Variants in UBE2W observed in about 807,000 individuals in gnomAD.
The protein encoded by UBE2W is ubiquitin-conjugating enzyme E2 W.
A neutral mutation model predicts 27.2 loss-of-function variants in UBE2W; 18 were observed. That is an observed-to-expected ratio of 0.66 (90% CI 0.46 to 0.98). The LOEUF is 0.98. Ranked by LOEUF, UBE2W falls within the 50% of genes least tolerant of loss-of-function variation. The pLI is 0.00. For synonymous variants in UBE2W, 53 were observed against 57.2 expected, an observed-to-expected ratio of 0.93 and a Z score of 0.33; for missense variants, 90 against 180.2, an observed-to-expected ratio of 0.50 and a Z score of 2.87.
At chr8:73,803,403 A>T (rs28683577) in intron 5 of UBE2W, among the ~76,000 whole-genome samples, 1 of 152,072 alleles carries the variant, frequency 6.6e-6, no homozygotes, top group East Asian at 1.9e-4. Flanking sequence ...ACTGGGCCTA[A>T]ATAAGAGGAA....
Position 73,787,701 on chromosome 8 carries a change from G to C in UBE2W, c.*6401C>G, listed in dbSNP as rs1265285936. On this transcript the variant is annotated 3_prime_UTR_variant, in exon 6 of 6. Coordinates refer to ENST00000602593, the MANE Select transcript of UBE2W (RefSeq NM_018299.6). Reference sequence around the variant, plus strand: ...TGGTTATTTCTTTCCTCTTCTTGCAGCTTCAAGAGTCACTCATTTAAGTCA... The same window carrying C: ...TGGTTATTTCTTTCCTCTTCTTGCACCTTCAAGAGTCACTCATTTAAGTCA... 3 of 985,310 alleles carry C rather than the reference G, an allele frequency of 3.0e-6. No homozygotes were observed. The African/African-American group carries it at 5.2e-5, about 17-fold the overall frequency. The allele number at this position is 985,310 out of a possible 1,614,324, so 61.0% of individuals were successfully genotyped here. A position where few individuals can be genotyped will look rare whatever the true frequency, so the allele number is the denominator to read the frequency against.
chr8:73,826,253 A>C, intron 2 of UBE2W, among the ~76,000 whole-genome samples: 1 of 152,198 alleles, frequency 6.6e-6, no homozygotes. Flanking sequence ...TTTATATACT[A>C]TTCTTGTTAT....
At chr8:73,795,819 C>A in intron 5 of UBE2W, 1 of 982,064 alleles carries the variant, frequency 1.0e-6, no homozygotes, top group Non-Finnish European at 1.2e-6. Context: ...AAGTGGCTCA[C>A]GCCTGTAATT....
At position 73,824,819 on chromosome 8, in the gene UBE2W, C is replaced by T. The variant is rs960956014; in HGVS notation, c.210+328G>A. ...AATGCTGCTCACCTCCTGTGTGGCC[C>T]GACTCCTAACAGGCCATGGACCAGT... On this transcript the variant is annotated intron_variant, in intron 3 of 5. Coordinates refer to ENST00000602593, the MANE Select transcript of UBE2W (RefSeq NM_018299.6). Among the ~76,000 whole-genome samples, 22 of 152,264 alleles carry T rather than the reference C, an allele frequency of 1.4e-4. 1 individual carries two copies. The highest frequency in any genetic ancestry group is 2.6e-4 in the African/African-American group (11 of 41,546).
At chr8:73,806,016 A>G (rs953218928) in intron 4 of UBE2W, among the ~76,000 whole-genome samples, 3 of 152,078 alleles carry the variant, frequency 2.0e-5, no homozygotes, top group Non-Finnish European at 2.9e-5. Flanking sequence ...TTAGCTGGGC[A>G]TGGTGGTGCG....
intron 1 of UBE2W, among the ~76,000 whole-genome samples, chr8:73,859,946 A>G (rs181043551): frequency 2.2e-3 from 329 of 152,342 alleles, no homozygotes; most frequent in Admixed American, 5.6e-3. Context: ...CACCTTAAAA[A>G]TAAAACATTT....
intron 3 of UBE2W, among the ~76,000 whole-genome samples, chr8:73,824,718 A>G (rs2130898431): frequency 6.6e-6 from 1 of 152,318 alleles, no homozygotes; most frequent in African/African-American, 2.4e-5. Flanking sequence ...TCACATGTGC[A>G]GTTCACAATA....
At chr8:73,822,445 G>A (rs1809653990) in intron 3 of UBE2W, among the ~76,000 whole-genome samples, 1 of 151,840 alleles carries the variant, frequency 6.6e-6, no homozygotes, top group Non-Finnish European at 1.5e-5. Flanking sequence ...AAAACAGGAG[G>A]TAAAGAAATA....
At chr8:73,850,655 T>A (rs1252735960) in intron 1 of UBE2W, among the ~76,000 whole-genome samples, 1 of 134,964 alleles carries the variant, frequency 7.4e-6, no homozygotes. Flanking sequence ...AAATAAAGGA[T>A]TACAAACATA....
chr8:73,856,916 AG>A (rs1255675990), intron 1 of UBE2W, among the ~76,000 whole-genome samples: 1 of 151,448 alleles, frequency 6.6e-6, no homozygotes, highest in East Asian at 2.0e-4. Flanking sequence ...TATGTTGGCC[AG>A]ACTGGTCTCA....
intron 3 of UBE2W, among the ~76,000 whole-genome samples, chr8:73,818,581 ATC>A (rs1310386171): frequency 6.6e-6 from 1 of 152,136 alleles, no homozygotes; most frequent in Non-Finnish European, 1.5e-5. Context: ...AGCCCAAATG[ATC>A]TCTCTGACTA....
At chr8:73,783,415 G>A (rs956691621), downstream of UBE2W, among the ~76,000 whole-genome samples, 4 of 152,038 alleles carry the variant, frequency 2.6e-5, no homozygotes, top group Non-Finnish European at 4.4e-5. Context: ...TTTTGCATAC[G>A]GCTTTCCAAA....
At chr8:73,874,753 A>G (rs547645179) in intron 1 of UBE2W, among the ~76,000 whole-genome samples, 1 of 152,374 alleles carries the variant, frequency 6.6e-6, no homozygotes, top group East Asian at 1.9e-4. Flanking sequence ...CACCACAAAT[A>G]TAACATTCTC....
intron 1 of UBE2W, among the ~76,000 whole-genome samples, chr8:73,852,927 G>GT (rs1463120925): frequency 2.6e-5 from 4 of 152,266 alleles, no homozygotes; most frequent in African/African-American, 9.6e-5. Context: ...CTTTAAGACT[G>GT]TAAGTTAGGT....
At chr8:73,826,120 T>C (rs1809823797) in intron 2 of UBE2W, among the ~76,000 whole-genome samples, 1 of 152,226 alleles carries the variant, frequency 6.6e-6, no homozygotes, top group African/African-American at 2.4e-5. Flanking sequence ...AGCAAGGCTT[T>C]GTGGTGACTT....
At position 73,793,837 on chromosome 8, in the gene UBE2W, T is replaced by A; in HGVS notation, c.*265A>T. 4.2e-6 allele frequency: 5 copies of A among 1,189,568 alleles called. No homozygotes were observed. Among genetic ancestry groups the A allele is most frequent in the Non-Finnish European group, 5.2e-6 (5 of 956,846 alleles). The allele number at this position is 1,189,568 out of a possible 1,614,324, so 73.7% of individuals were successfully genotyped here. ...GAGCTTTTCCAAAAGCTTAAAAAAA[T>A]AAAAATAAAAAATGGAATTATATTT... On this transcript the variant is annotated 3_prime_UTR_variant, in exon 6 of 6. Coordinates refer to ENST00000602593, the MANE Select transcript of UBE2W (RefSeq NM_018299.6).
intron 3 of UBE2W, among the ~76,000 whole-genome samples, chr8:73,812,949 G>A (rs935120501): frequency 4.7e-5 from 7 of 150,488 alleles, no homozygotes; most frequent in African/African-American, 1.7e-4. Flanking sequence ...AGGTTGCAGT[G>A]AGCTGAGATC....
At chr8:73,828,166 G>A (rs1809929939) in intron 2 of UBE2W, among the ~76,000 whole-genome samples, 1 of 152,140 alleles carries the variant, frequency 6.6e-6, no homozygotes, top group African/African-American at 2.4e-5. Context: ...ACACCCGTGA[G>A]TACCTAGTAC....
intron 1 of UBE2W, among the ~76,000 whole-genome samples, chr8:73,850,747 A>C (rs1470101512): frequency 1.3e-5 from 2 of 151,108 alleles, no homozygotes; most frequent in Admixed American, 1.3e-4. Context: ...AAAAAAAAAA[A>C]AAACAGGACA....
Sources: allele counts gnomAD v4.1 joint callset (sites outside exome capture counted in the v4.1 genomes callset), GRCh38; gene constraint gnomAD v4.1.1; transcripts MANE v1.5; gene names NCBI Gene and HGNC (gene_info 2026-07-23, HGNC 2026-07-21).